Variants in DCAF10 observed in about 807,000 individuals in gnomAD.
DCAF10 encodes the protein DDB1 and CUL4 associated factor 10.
A neutral mutation model predicts 51.9 loss-of-function variants in DCAF10; 19 were observed. The observed-to-expected ratio is 0.37, with a 90% CI of 0.26 to 0.54. The LOEUF is 0.54. Ranked by LOEUF, DCAF10 falls within the 20% of genes least tolerant of loss-of-function variation. The pLI is 0.87. For synonymous variants in DCAF10, 291 were observed against 297.1 expected (o/e 0.98, Z 0.21); for missense variants, 510 against 730.6 (o/e 0.70, Z 3.48).
At chr9:37,834,216 G>C (rs1830085796) in intron 2 of DCAF10, among the ~76,000 whole-genome samples, 1 of 152,114 alleles carries the variant, frequency 6.6e-6, no homozygotes, top group Non-Finnish European at 1.5e-5. Context: ...GGAATTACGG[G>C]AGTGAGACAC....
Position 37,865,613 on chromosome 9 carries a change from T to C in DCAF10, c.*4105T>C, listed in dbSNP as rs903134405. On this transcript the variant is annotated 3_prime_UTR_variant, in exon 7 of 7. Coordinates refer to ENST00000377724, the MANE Select transcript of DCAF10 (RefSeq NM_024345.5). ...AGTTTTCCGCAGAACAGTGCATTTA[T>C]GGCAATGCTATGTTTAATGAGTTAG... The C allele has an allele frequency of 3.3e-5, 5 of 152,214 alleles. No individual in the cohort carries two copies. Among genetic ancestry groups the C allele is most frequent in the African/African-American group, 1.2e-4 (5 of 41,462 alleles). The allele number at this position is 152,214 out of a possible 1,614,324, so 9.4% of individuals were successfully genotyped here. A position where few individuals can be genotyped will look rare whatever the true frequency, so the allele number is the denominator to read the frequency against.
intron 2 of DCAF10, among the ~76,000 whole-genome samples, chr9:37,820,653 G>A (rs1246318408): frequency 2.0e-5 from 3 of 152,114 alleles, no homozygotes; most frequent in African/African-American, 7.2e-5. Context: ...GCCCCGAAAT[G>A]TCATTATAAG....
intron 2 of DCAF10, among the ~76,000 whole-genome samples, chr9:37,823,588 A>G (rs576460280): frequency 1.4e-5 from 2 of 142,854 alleles, no homozygotes; most frequent in East Asian, 3.9e-4. Context: ...AGAATTTAGG[A>G]GTTTTTTTGG....
At chr9:37,850,866 A>AT (rs1830625584) in intron 3 of DCAF10, among the ~76,000 whole-genome samples, 1 of 80,870 alleles carries the variant, frequency 1.2e-5, no homozygotes. Flanking sequence ...ATATATATAT[A>AT]TATATATATA....
rs1831075934 is a variant in DCAF10, at chr9:37,863,777, G to T, written c.*2269G>T. 6.6e-6 allele frequency: 1 copy of T among 152,102 alleles called. No homozygotes were observed. Among genetic ancestry groups the T allele is most frequent in the African/African-American group, 2.4e-5 (1 of 41,422 alleles). The allele number at this position is 152,102 out of a possible 1,614,324, so 9.4% of individuals were successfully genotyped here. The stretch of plus-strand genomic sequence containing the variant: ...AATGTTTAAACAACCCAAAATACAT[G>T]AATAAAAATGACATTTCTTTGTAGG... On this transcript the variant is annotated 3_prime_UTR_variant, in exon 7 of 7. Transcript: ENST00000377724.
chr9:37,846,842 T>C (rs1830488395), intron 3 of DCAF10, among the ~76,000 whole-genome samples: 1 of 152,096 alleles, frequency 6.6e-6, no homozygotes, highest in African/African-American at 2.4e-5. Flanking sequence ...ATTTACATAG[T>C]AAATAATAAC....
chr9:37,846,284 C>T (rs1830469314), intron 3 of DCAF10, among the ~76,000 whole-genome samples: 1 of 152,044 alleles, frequency 6.6e-6, no homozygotes, highest in Admixed American at 6.6e-5. Flanking sequence ...TAAGATTCAA[C>T]ATTTAGTCAT....
intron 3 of DCAF10, among the ~76,000 whole-genome samples, chr9:37,851,323 C>T (rs1160873594): frequency 1.3e-5 from 2 of 152,012 alleles, no homozygotes; most frequent in Non-Finnish European, 2.9e-5. Flanking sequence ...CCTGGGACCA[C>T]AGGTGTGACA....
intron 5 of DCAF10, 57 bp downstream of exon 5, chr9:37,857,408 A>G (rs1830882569): frequency 7.8e-7 from 1 of 1,283,250 alleles, no homozygotes; most frequent in African/African-American, 1.5e-5. Flanking sequence ...CAATCTGATT[A>G]ATTATTGATT....
intron 3 of DCAF10, among the ~76,000 whole-genome samples, chr9:37,844,682 A>G (rs992107780): frequency 6.6e-6 from 1 of 151,956 alleles, no homozygotes; most frequent in Non-Finnish European, 1.5e-5. Flanking sequence ...ACAAAAATAA[A>G]TAAAACACAA....
intron 2 of DCAF10, among the ~76,000 whole-genome samples, chr9:37,821,719 C>T (rs927532005): frequency 6.6e-6 from 1 of 152,070 alleles, no homozygotes; most frequent in East Asian, 1.9e-4. Context: ...GATTTCATGA[C>T]CAAAACCCCA....
intron 1 of DCAF10, among the ~76,000 whole-genome samples, chr9:37,818,841 T>C (rs1829622699): frequency 6.6e-6 from 1 of 152,222 alleles, no homozygotes; most frequent in Non-Finnish European, 1.5e-5. Flanking sequence ...TTAACTTCTC[T>C]ACAGTATTTC....
intron 1 of DCAF10, among the ~76,000 whole-genome samples, chr9:37,806,532 A>G (rs1829119468): frequency 6.6e-6 from 1 of 152,214 alleles, no homozygotes; most frequent in South Asian, 2.1e-4. Flanking sequence ...CCCTTTGGGA[A>G]CTACAGCCCC....
At chr9:37,828,790 T>C (rs1589093239) in intron 2 of DCAF10, among the ~76,000 whole-genome samples, 1 of 152,262 alleles carries the variant, frequency 6.6e-6, no homozygotes. Flanking sequence ...GGTTTGGCTA[T>C]ATATATGAAA....
Position 37,865,255 on chromosome 9 carries a change from C to T in DCAF10, c.*3747C>T, listed in dbSNP as rs1006593604. The T allele has an allele frequency of 4.0e-5, 6 of 151,536 alleles. No individual in the cohort carries two copies. Among genetic ancestry groups the T allele is most frequent in the African/African-American group, 7.3e-5 (3 of 41,206 alleles). The allele number at this position is 151,536 out of a possible 1,614,324, so 9.4% of individuals were successfully genotyped here. A position where few individuals can be genotyped will look rare whatever the true frequency, so the allele number is the denominator to read the frequency against. On this transcript the variant is annotated 3_prime_UTR_variant, in exon 7 of 7. Transcript: ENST00000377724. The stretch of plus-strand genomic sequence containing the variant: ...ATAGAAAAGAAAAATTAAGGATAAA[C>T]GGCATTGTGAAAAAAAACCGAGCCA...
In DCAF10 at chr9:37,819,909, T is replaced by G. The variant is rs554318722; in HGVS notation, c.653+508T>G. ...TAGTTTGGTGATTAATATTCAGTCATTAAAATGATGGTCATAGAGACTACA... is the reference window on the plus strand; with the variant it reads ...TAGTTTGGTGATTAATATTCAGTCAGTAAAATGATGGTCATAGAGACTACA... On this transcript the variant is annotated intron_variant, in intron 2 of 6. Coordinates refer to ENST00000377724, the MANE Select transcript of DCAF10 (RefSeq NM_024345.5). 7.9e-5 allele frequency among the ~76,000 whole-genome samples: 12 copies of G among 152,320 alleles called. No homozygotes were observed. The South Asian group carries it at 2.3e-3, about 29-fold the overall frequency.
At chr9:37,817,404 C>G (rs1829573751) in intron 1 of DCAF10, among the ~76,000 whole-genome samples, 1 of 151,672 alleles carries the variant, frequency 6.6e-6, no homozygotes, top group Non-Finnish European at 1.5e-5. Flanking sequence ...TTGAGACCAG[C>G]CAGGGCAACA....
intron 2 of DCAF10, among the ~76,000 whole-genome samples, chr9:37,827,391 AAAAC>A (rs1473504308): frequency 1.3e-4 from 20 of 152,164 alleles, no homozygotes; most frequent in Non-Finnish European, 2.8e-4. Flanking sequence ...GTAGAAAACA[AAAAC>A]AAAAAGAAAA....
At chr9:37,831,674 C>G (rs895752440) in intron 2 of DCAF10, among the ~76,000 whole-genome samples, 2 of 152,208 alleles carry the variant, frequency 1.3e-5, no homozygotes, top group South Asian at 2.1e-4. Flanking sequence ...ACAATATTTT[C>G]TATTACTTCA....
Sources: allele counts gnomAD v4.1 joint callset (sites outside exome capture counted in the v4.1 genomes callset), GRCh38; gene constraint gnomAD v4.1.1; transcripts MANE v1.5; gene names NCBI Gene and HGNC (gene_info 2026-07-23, HGNC 2026-07-21).